SLC17A6: variants seen among roughly 807,000 people sequenced by gnomAD.
SLC17A6 encodes vesicular glutamate transporter 2.
SLC17A6 carries 35 observed loss-of-function variants against 67.1 expected under a neutral mutation model. That is an observed-to-expected ratio of 0.52 (90% CI 0.40 to 0.69). SLC17A6 has a LOEUF of 0.69. Ranked by LOEUF, SLC17A6 falls within the 30% of genes least tolerant of loss-of-function variation. SLC17A6 has a pLI of 0.00. For missense variants in SLC17A6, 588 were observed against 723.9 expected, an observed-to-expected ratio of 0.81 and a Z score of 2.15; for synonymous variants, 285 against 252.3, an observed-to-expected ratio of 1.13 and a Z score of -1.23.
chr11:22,364,698 G>A (rs552447271), intron 6 of SLC17A6, among the ~76,000 whole-genome samples: 6 of 152,012 alleles, frequency 3.9e-5, no homozygotes, highest in African/African-American at 1.4e-4. Flanking sequence ...GTTACCCAAG[G>A]GACAAACAGA....
At chr11:22,343,498 A>C in intron 3 of SLC17A6, 133 bp downstream of exon 3, 1 of 664,440 alleles carries the variant, frequency 1.5e-6, no homozygotes, top group Non-Finnish European at 2.5e-6. Context: ...GTCCCTTGAC[A>C]CACCCTCTCA....
Position 22,339,500 on chromosome 11 carries a change from A to G in SLC17A6, c.86+881A>G, listed in dbSNP as rs1855787585. Among the ~76,000 whole-genome samples, 4 of 152,108 alleles carry G rather than the reference A, an allele frequency of 2.6e-5. No individual in the cohort carries two copies. The South Asian group carries it at 8.3e-4, about 32-fold the overall frequency. On this transcript the variant is annotated intron_variant, in intron 1 of 11. Transcript: ENST00000263160. ...TGATTTAATTATTTAATCCTCCTGT[A>G]GTCACTATACTAATTATGCTGTAAT... is the stretch of plus-strand genomic sequence containing the variant.
chr11:22,369,536 T>G (rs1373709405), intron 7 of SLC17A6, among the ~76,000 whole-genome samples: 6 of 151,952 alleles, frequency 3.9e-5, no homozygotes, highest in Non-Finnish European at 8.8e-5. Flanking sequence ...TTAGATTGAT[T>G]GGTAGTAGAA....
chr11:22,347,754 A>G (rs1044038502), intron 3 of SLC17A6, among the ~76,000 whole-genome samples: 3 of 152,200 alleles, frequency 2.0e-5, no homozygotes, highest in Non-Finnish European at 4.4e-5. Context: ...ATTTTTAGCC[A>G]AGTGTATAGA....
chr11:22,374,292 T>C (rs12802248), intron 8 of SLC17A6, among the ~76,000 whole-genome samples: 2,347 of 152,310 alleles, frequency 0.015, 28 homozygotes, highest in Non-Finnish European at 0.023. Context: ...ATAGAAATTA[T>C]GTCTGTGCTA....
At chr11:22,375,828 A>C (rs1856226857) in intron 9 of SLC17A6, among the ~76,000 whole-genome samples, 154 bp from the exon 10 acceptor site, 1 of 152,104 alleles carries the variant, frequency 6.6e-6, no homozygotes, top group Admixed American at 6.6e-5. Flanking sequence ...CTCTAGGGTA[A>C]ATTATTATGA....
At chr11:22,342,899 C>CGT (rs1564978088) in intron 2 of SLC17A6, 1 of 469,524 alleles carries the variant, frequency 2.1e-6, no homozygotes, top group South Asian at 1.6e-5. Flanking sequence ...CCCTGACAGG[C>CGT]GTCTCCACAT....
chr11:22,359,516 G>A lies in SLC17A6; in HGVS notation c.562G>A (p.Gly188Arg). The A allele has an allele frequency of 1.9e-6, 3 of 1,585,350 alleles. No individual in the cohort carries two copies. Among genetic ancestry groups the A allele is most frequent in the South Asian group, 1.2e-5 (1 of 85,566 alleles). ...GCVIFVRILQ[G>R]LVEGVTYPAC... Reference sequence around the variant, plus strand: ...TGTCATCTTTGTCAGAATACTGCAGGGACTTGTTGAGGTATGTAACTTCAG... The same window carrying A: ...TGTCATCTTTGTCAGAATACTGCAGAGACTTGTTGAGGTATGTAACTTCAG... The change falls in exon 4 of 12, where the codon GGA (glycine) becomes AGA (arginine). Residue 188 changes from glycine to arginine, a missense_variant. Around this residue, in one of 4 missense-constraint regions of SLC17A6, gnomAD observed 414 missense variants for 563.4 expected, o/e 0.73. Transcript: ENST00000263160.
intron 1 of SLC17A6, among the ~76,000 whole-genome samples, chr11:22,339,232 C>G (rs1310821293): frequency 2.7e-5 from 4 of 146,228 alleles, no homozygotes; most frequent in Non-Finnish European, 6.0e-5. Context: ...AGAGAGAGGT[C>G]TCAGCTTCAA....
At position 22,362,795 on chromosome 11, in the gene SLC17A6, A is replaced by G. The variant is rs764857615; in HGVS notation, c.718A>G (p.Thr240Ala). 1.9e-6 allele frequency: 3 copies of G among 1,613,810 alleles called. No homozygotes were observed. The highest frequency in any genetic ancestry group is 2.5e-6 in the Non-Finnish European group (3 of 1,179,728). ...MPLAGILVQY[T>A]GWSSVFYVYG... is the part of the protein sequence containing the mutation. Reference sequence around the variant, plus strand: ...TTTAGCTGGCATTCTTGTGCAGTACACTGGCTGGTCTTCAGTGTTTTATGT... The same window carrying G: ...TTTAGCTGGCATTCTTGTGCAGTACGCTGGCTGGTCTTCAGTGTTTTATGT... The change falls in exon 6 of 12, where the codon ACT (threonine) becomes GCT (alanine). Residue 240 changes from threonine (T) to alanine (A), a missense_variant. Physicochemically the swap from Thr to Ala is moderately conservative, Grantham distance 58 (BLOSUM62 0). Around this residue, in one of 4 missense-constraint regions of SLC17A6, gnomAD observed 414 missense variants for 563.4 expected, o/e 0.73. Coordinates refer to ENST00000263160, the MANE Select transcript of SLC17A6 (RefSeq NM_020346.3).
chr11:22,343,370 T>C lies in SLC17A6; in HGVS notation c.458+5T>C. On this transcript the variant is annotated splice_donor_5th_base_variant and intron_variant, in intron 3 of 11. Coordinates refer to ENST00000263160, the MANE Select transcript of SLC17A6 (RefSeq NM_020346.3). Reference sequence around the variant, plus strand: ...GTCTCGGCTGGCAGCCAACAGGTAATGCGCCAGGCGGGACTGGGGCTCGGG... The same window carrying C: ...GTCTCGGCTGGCAGCCAACAGGTAACGCGCCAGGCGGGACTGGGGCTCGGG... The C allele has an allele frequency of 6.2e-7, 1 of 1,606,642 alleles. No individual in the cohort carries two copies. Among genetic ancestry groups the C allele is most frequent in the Non-Finnish European group, 8.5e-7 (1 of 1,177,182 alleles).
intron 3 of SLC17A6, among the ~76,000 whole-genome samples, chr11:22,349,253 C>T (rs962242531): frequency 4.6e-5 from 7 of 152,118 alleles, no homozygotes; most frequent in African/African-American, 1.4e-4. Flanking sequence ...CCATCCTGTT[C>T]CAGTGGAAAT....
intron 9 of SLC17A6, 66 bp from the exon 10 acceptor site, chr11:22,375,916 G>C: frequency 1.0e-6 from 1 of 1,004,334 alleles, no homozygotes; most frequent in Non-Finnish European, 1.5e-6. Flanking sequence ...AACATTTTTA[G>C]CAGTTTTGGC....
At chr11:22,356,543 G>A (rs1175838108) in intron 3 of SLC17A6, among the ~76,000 whole-genome samples, 7 of 152,098 alleles carry the variant, frequency 4.6e-5, no homozygotes, top group Non-Finnish European at 8.8e-5. Flanking sequence ...GATAGATAAA[G>A]AAATTAAGAG....
At position 22,376,058 on chromosome 11, in the gene SLC17A6, A is replaced by G. The variant is rs1263027766; in HGVS notation, c.1251A>G (p.Val417=). 3.1e-6 allele frequency: 5 copies of G among 1,612,612 alleles called. No individual in the cohort carries two copies. The highest frequency in any genetic ancestry group is 4.2e-6 in the Non-Finnish European group (5 of 1,179,242). The change falls in exon 10 of 12, where the codon GTA becomes GTG. Residue 417 remains valine (V), a synonymous_variant. Transcript: ENST00000263160. Reference sequence around the variant, plus strand: ...GAGGGGTAGCAATCTCATTCTTGGTACTTGCAGTGGGATTCAGTGGATTTG... The same window carrying G: ...GAGGGGTAGCAATCTCATTCTTGGTGCTTGCAGTGGGATTCAGTGGATTTG... ...HTRGVAISFL[V]LAVGFSGFAI... is the part of the protein sequence containing the mutation.
intron 3 of SLC17A6, 72 bp from the exon 4 acceptor site, chr11:22,359,341 C>T (rs1477992769): frequency 4.6e-6 from 4 of 864,220 alleles, no homozygotes; most frequent in Non-Finnish European, 6.6e-6. Flanking sequence ...TTTCACTTCT[C>T]CTGAGAAATT....
chr11:22,371,492 T>C (rs958471441), intron 8 of SLC17A6, among the ~76,000 whole-genome samples: 9 of 151,780 alleles, frequency 5.9e-5, no homozygotes, highest in African/African-American at 2.2e-4. Context: ...AGGGTAGCCT[T>C]TGGGAACTCT....
At position 22,359,460 on chromosome 11, in the gene SLC17A6, T is replaced by C; in HGVS notation, c.506T>C (p.Ile169Thr). The change falls in exon 4 of 12, where the codon ATT becomes ACT. Residue 169 changes from isoleucine (I) to threonine (T), a missense_variant. By Grantham distance (89) the Ile-to-Thr change is moderately conservative. Transcript: ENST00000263160. The stretch of plus-strand genomic sequence containing the variant: ...CTTACCTCTACCCTAAATATGCTAA[T>C]TCCATCAGCAGCCAGAGTGCATTAT... ...ILLTSTLNML[I>T]PSAARVHYGC... 1 of 1,604,542 alleles carries C rather than the reference T, an allele frequency of 6.2e-7. No homozygotes were observed. The highest frequency in any genetic ancestry group is 8.5e-7 in the Non-Finnish European group (1 of 1,175,076).
chr11:22,352,437 C>G (rs142255123), intron 3 of SLC17A6, among the ~76,000 whole-genome samples: 1 of 152,292 alleles, frequency 6.6e-6, no homozygotes, highest in African/African-American at 2.4e-5. Flanking sequence ...AAATGATAAA[C>G]TGCTTGAAAT....
Sources: gnomAD v4.1 joint callset for allele counts (sites outside exome capture counted in the v4.1 genomes callset) on GRCh38, gnomAD v4.1.1 for gene constraint, gnomAD v4.1.1 regional missense constraint, MANE v1.5 for transcripts, NCBI Gene and HGNC (gene_info 2026-07-23, HGNC 2026-07-21) for gene names.